Variants in SART3 observed in about 807,000 individuals in gnomAD.
The protein encoded by SART3 is spliceosome associated factor 3, U4/U6 recycling protein, also known as HIV-1 Tat-interacting protein of 110kDa.
Under a neutral mutation model 122.3 loss-of-function variants are expected in SART3, and 44 were observed. The ratio of observed to expected loss-of-function variants is 0.36; its 90% CI spans 0.28 to 0.46. The LOEUF (loss-of-function observed/expected upper bound fraction) is 0.46, where lower values mean the gene tolerates loss of function less well. Among genes scored for constraint, SART3 ranks in the 20% least tolerant of loss-of-function variants. SART3 has a pLI of 1.00. For missense variants in SART3, 1,101 were observed against 1,229.0 expected (o/e 0.90, Z 1.56); for synonymous variants, 442 against 454.0 (o/e 0.97, Z 0.34).
intron 6 of SART3, among the ~76,000 whole-genome samples, chr12:108,540,514 T>A (rs182595471): frequency 6.6e-6 from 1 of 151,658 alleles, no homozygotes; most frequent in African/African-American, 2.4e-5. Flanking sequence ...TATATGTTCA[T>A]AGATTGGAAG....
At chr12:108,543,301 G>T in intron 5 of SART3, 149 bp from the exon 6 acceptor site, 2 of 900,316 alleles carry the variant, frequency 2.2e-6, no homozygotes, top group Non-Finnish European at 3.3e-6. Flanking sequence ...TTTCTGCTGA[G>T]CCCAAACCTG....
chr12:108,541,177 C>T (rs1465855770), intron 6 of SART3, among the ~76,000 whole-genome samples: 2 of 152,144 alleles, frequency 1.3e-5, no homozygotes, highest in Non-Finnish European at 2.9e-5. Flanking sequence ...GAGGCTGAGG[C>T]AGGTGAATCA....
intron 5 of SART3, 98 bp downstream of exon 5, chr12:108,544,329 G>T: frequency 9.6e-7 from 1 of 1,040,870 alleles, no homozygotes; most frequent in Non-Finnish European, 1.5e-6. Context: ...AGCTTTACCT[G>T]CCTCACAGGA....
In SART3 at chr12:108,526,487, T is replaced by C. The variant is rs546423573; in HGVS notation, c.1982A>G (p.Glu661Gly). Residue 661 changes from glutamate to glycine, a missense_variant, in exon 16 of 19, where the codon GAA becomes GGA. By Grantham distance (98) the Glu-to-Gly change is moderately conservative (BLOSUM62 -2). Coordinates refer to ENST00000546815, the MANE Select transcript of SART3 (RefSeq NM_014706.4). ...TTTCCCAGCGGGCCCTGCTGCTACT[T>C]CTACATTTTGTGTTTCTCCAGCTGC... ...IPAAGETQNV[E>G]VAAGPAGKCA... The C allele has an allele frequency of 6.2e-7, 1 of 1,614,186 alleles. No homozygotes were observed. Among genetic ancestry groups the C allele is most frequent in the Non-Finnish European group, 8.5e-7 (1 of 1,180,040 alleles).
Position 108,526,150 on chromosome 12 carries a change from C to T in SART3, c.2319G>A (p.Arg773=), listed in dbSNP as rs1221712583. Residue 773 remains arginine, a synonymous_variant, in exon 16 of 19, where the codon AGG becomes AGA. Coordinates refer to ENST00000546815, the MANE Select transcript of SART3 (RefSeq NM_014706.4). The part of the protein sequence containing the change: ...LEMDRKSVEG[R]PMFVSPCVDK... ...CCACACAGGGGGAAACAAACATTGG[C>T]CTCCCTTCTACACTTTTCCGGTCCA... 6.2e-7 allele frequency: 1 copy of T among 1,614,104 alleles called. No individual in the cohort carries two copies. The highest frequency in any genetic ancestry group is 8.5e-7 in the Non-Finnish European group (1 of 1,180,042).
At chr12:108,554,056 A>G (rs2030116698) in intron 1 of SART3, 1 of 152,220 alleles carries the variant, frequency 6.6e-6, no homozygotes, top group Non-Finnish European at 1.5e-5. Flanking sequence ...TCAGCCCAGA[A>G]GGATCTCTCA....
Position 108,538,900 on chromosome 12 carries a change from C to G in SART3, c.1062+34G>C, listed in dbSNP as rs1174799425. ...TGATTTTAAGTAGATTCTAAATTGG[C>G]AAAAATAAAATGAAATTAGAACAGT... On this transcript the variant is annotated intron_variant, in intron 7 of 18. Coordinates refer to ENST00000546815, the MANE Select transcript of SART3 (RefSeq NM_014706.4). 3.1e-6 allele frequency: 5 copies of G among 1,613,590 alleles called. No individual in the cohort carries two copies. The South Asian group carries it at 5.5e-5, about 18-fold the overall frequency.
At chr12:108,557,798 C>T (rs1160337671) in intron 1 of SART3, among the ~76,000 whole-genome samples, 2 of 152,178 alleles carry the variant, frequency 1.3e-5, no homozygotes, top group African/African-American at 2.4e-5. Context: ...TTAATTTCAG[C>T]GCACAAACAC....
intron 5 of SART3, 23 bp from the exon 6 acceptor site, chr12:108,543,175 C>T (rs1272111571): frequency 6.2e-7 from 1 of 1,613,480 alleles, no homozygotes; most frequent in Non-Finnish European, 8.5e-7. Flanking sequence ...GGATTCAGCC[C>T]CGTGGGTCTT....
rs765067730 is a variant in SART3, at chr12:108,526,080, T to G, written c.2370+19A>C. On this transcript the variant is annotated intron_variant, in intron 16 of 18. Transcript: ENST00000546815. ...AAGCAACCACAGATGAAAGGCATTCTTTTTTTCCATAAACCTACCTTAAAA... is the reference window on the plus strand; with the variant it reads ...AAGCAACCACAGATGAAAGGCATTCGTTTTTTCCATAAACCTACCTTAAAA... 6.3e-7 allele frequency: 1 copy of G among 1,599,224 alleles called. No individual in the cohort carries two copies. Among genetic ancestry groups the G allele is most frequent in the Non-Finnish European group, 8.6e-7 (1 of 1,166,818 alleles).
At chr12:108,550,921 GA>G (rs1565866803) in intron 1 of SART3, among the ~76,000 whole-genome samples, 1 of 152,246 alleles carries the variant, frequency 6.6e-6, no homozygotes, top group South Asian at 2.1e-4. Context: ...CAAGAAAGGA[GA>G]AACAGAAGAA....
chr12:108,540,280 A>G (rs866126633), intron 6 of SART3, among the ~76,000 whole-genome samples: 26 of 152,232 alleles, frequency 1.7e-4, no homozygotes, highest in African/African-American at 5.5e-4. Context: ...GAGAGGACAC[A>G]TTGTCCGTCT....
chr12:108,540,187 T>C (rs1464838541), intron 6 of SART3, among the ~76,000 whole-genome samples: 1 of 152,232 alleles, frequency 6.6e-6, no homozygotes, highest in Non-Finnish European at 1.5e-5. Flanking sequence ...TGACTACCTC[T>C]GAAGAAGCAA....
chr12:108,548,945 T>C, intron 2 of SART3, 143 bp downstream of exon 2: 1 of 1,248,162 alleles, frequency 8.0e-7, no homozygotes, highest in East Asian at 2.4e-5. Flanking sequence ...AAACTAAAAA[T>C]AGCTAACTCT....
chr12:108,537,756 C>T (rs565732813), intron 8 of SART3, 161 bp from the exon 9 acceptor site: 8 of 703,736 alleles, frequency 1.1e-5, no homozygotes, highest in South Asian at 9.7e-5. Context: ...GAAGTTGCTA[C>T]AGCACTCTAC....
At chr12:108,531,826 C>T in intron 13 of SART3, 1 of 325,016 alleles carries the variant, frequency 3.1e-6, no homozygotes, top group South Asian at 2.7e-5. Flanking sequence ...AGCACAGTGA[C>T]TCTCAAAGGA....
At chr12:108,560,764 A>T (rs780319165) in intron 1 of SART3, 79 bp downstream of exon 1, 1 of 1,283,978 alleles carries the variant, frequency 7.8e-7, no homozygotes, top group Non-Finnish European at 1.1e-6. Flanking sequence ...GCCGCCGAGG[A>T]CTAGGGAGGC....
intron 9 of SART3, chr12:108,537,055 G>C (rs7974452): frequency 0.8 from 397,118 of 493,478 alleles, 163,020 homozygotes; most frequent in East Asian, 0.93. Context: ...AGGCAAACAA[G>C]AGAATGGCTA....
intron 12 of SART3, 200 bp from the exon 13 acceptor site, chr12:108,532,534 T>C: frequency 1.8e-6 from 1 of 541,674 alleles, no homozygotes. Flanking sequence ...CCTGAAGCAC[T>C]CTCTCCCTCA....
Sources: gnomAD v4.1 joint callset for allele counts (sites outside exome capture counted in the v4.1 genomes callset) on GRCh38, gnomAD v4.1.1 for gene constraint, MANE v1.5 for transcripts, NCBI Gene and HGNC (gene_info 2026-07-23, HGNC 2026-07-21) for gene names.